The following MAST2 variants were observed in gnomAD, a reference collection of about 807,000 sequenced individuals.
MAST2 encodes microtubule-associated serine/threonine-protein kinase 2.
A neutral mutation model predicts 147.4 loss-of-function variants in MAST2; 70 were observed. The ratio of observed to expected loss-of-function variants is 0.47; its 90% CI spans 0.39 to 0.58. The LOEUF is 0.58. Among genes scored for constraint, MAST2 ranks in the 20% least tolerant of loss-of-function variants. The pLI, the probability that MAST2 is intolerant of heterozygous loss-of-function variation, is 0.00. For missense variants in MAST2, 2,080 were observed against 2,302.3 expected (o/e 0.90, Z 1.98); for synonymous variants, 869 against 896.8 (o/e 0.97, Z 0.55).
In MAST2 at chr1:45,959,421, C is replaced by A. The variant is rs1660087959; in HGVS notation, c.536C>A (p.Thr179Asn). Residue 179 changes from threonine to asparagine, a missense_variant, in exon 5 of 29, where the codon ACC becomes AAC. By Grantham distance (65) the Thr-to-Asn change is moderately conservative. Coordinates refer to ENST00000361297, the MANE Select transcript of MAST2 (RefSeq NM_015112.3). ...AGTAACCGCAAGAGCTTGATTGTGA[C>A]CTCTAGCACATCACCTACACTACCA... ...RTSNRKSLIVTSSTSPTLPRP... is the reference protein window; with the variant it reads ...RTSNRKSLIVNSSTSPTLPRP... 13 of 1,613,758 alleles carry A rather than the reference C, an allele frequency of 8.1e-6. No homozygotes were observed. The highest frequency in any genetic ancestry group is 1.1e-5 in the Non-Finnish European group (13 of 1,179,802).
In MAST2 at chr1:46,023,589, G is replaced by A. The variant is rs1646279527; in HGVS notation, c.1572-183G>A. Reference sequence around the variant, plus strand: ...CATTGAGCCGTGTCATCAGGACATGGTCTATCAAGAAGTTTAAGAGTTCTA... The same window carrying A: ...CATTGAGCCGTGTCATCAGGACATGATCTATCAAGAAGTTTAAGAGTTCTA... On this transcript the variant is annotated intron_variant, in intron 14 of 28. Transcript: ENST00000361297. This position sits in a 1 kb window ranked among gnomAD's most constrained non-coding sequence, Gnocchi z 4.9. 1 of 636,742 alleles carries A rather than the reference G, an allele frequency of 1.6e-6. No individual in the cohort carries two copies. The highest frequency in any genetic ancestry group is 2.7e-6 in the Non-Finnish European group (1 of 364,200). The allele number at this position is 636,742 out of a possible 1,614,324, so 39.4% of individuals were successfully genotyped here. A position where few individuals can be genotyped will look rare whatever the true frequency, so the allele number is the denominator to read the frequency against.
chr1:45,828,613 C>A (rs972121890), intron 2 of MAST2, among the ~76,000 whole-genome samples: 5 of 151,974 alleles, frequency 3.3e-5, no homozygotes, highest in Non-Finnish European at 5.9e-5. Context: ...AGAAATGAGA[C>A]CTTCACCTCA....
At chr1:45,897,784 G>A (rs1361770352) in intron 4 of MAST2, among the ~76,000 whole-genome samples, 1 of 151,214 alleles carries the variant, frequency 6.6e-6, no homozygotes, top group Non-Finnish European at 1.5e-5. Flanking sequence ...ACTCCAGCCT[G>A]GGCAACAGAG....
chr1:46,007,343 T>C (rs538694535), intron 8 of MAST2, among the ~76,000 whole-genome samples: 9 of 152,108 alleles, frequency 5.9e-5, no homozygotes, highest in African/African-American at 1.7e-4. Context: ...GGTGTAGAGA[T>C]TGATGAAGAT....
chr1:45,948,509 C>A (rs1013156990), intron 4 of MAST2, among the ~76,000 whole-genome samples: 1 of 151,856 alleles, frequency 6.6e-6, no homozygotes, highest in Non-Finnish European at 1.5e-5. Context: ...AGTTCAAGAC[C>A]AGCCTGGCTA....
At chr1:46,009,169 C>G (rs1645612037) in intron 9 of MAST2, among the ~76,000 whole-genome samples, 1 of 152,216 alleles carries the variant, frequency 6.6e-6, no homozygotes, top group South Asian at 2.1e-4. Flanking sequence ...ATTCTCCTGC[C>G]TCAGCCTCCC....
chr1:45,981,547 C>T (rs137973467), intron 5 of MAST2, among the ~76,000 whole-genome samples: 108 of 152,256 alleles, frequency 7.1e-4, no homozygotes, highest in Middle Eastern at 3.4e-3. Context: ...GCCAATTTGT[C>T]AGTTTTACCG....
intron 4 of MAST2, among the ~76,000 whole-genome samples, chr1:45,948,161 A>G (rs141141784): frequency 6.6e-6 from 1 of 152,338 alleles, no homozygotes; most frequent in East Asian, 1.9e-4. Flanking sequence ...TACAATTGCC[A>G]CAAAAAGAAT....
At position 46,023,742 on chromosome 1, in the gene MAST2, A is replaced by G. The variant is rs777120846; in HGVS notation, c.1572-30A>G. On this transcript the variant is annotated intron_variant, in intron 14 of 28. Coordinates refer to ENST00000361297, the MANE Select transcript of MAST2 (RefSeq NM_015112.3). The surrounding 1 kb of genome is among the most constrained non-coding windows in gnomAD (Gnocchi z 4.9). ...AGCACAGCTCAGGTGCTGAGGGTCCATGGGGGATGGGCCGGACTTTGTTTC... is the reference window on the plus strand; with the variant it reads ...AGCACAGCTCAGGTGCTGAGGGTCCGTGGGGGATGGGCCGGACTTTGTTTC... 6.2e-7 allele frequency: 1 copy of G among 1,606,966 alleles called. No individual in the cohort carries two copies. Among genetic ancestry groups the G allele is most frequent in the Non-Finnish European group, 8.5e-7 (1 of 1,175,444 alleles).
chr1:45,890,103 T>C (rs1203760597), intron 4 of MAST2, among the ~76,000 whole-genome samples: 1 of 152,184 alleles, frequency 6.6e-6, no homozygotes, highest in African/African-American at 2.4e-5. Flanking sequence ...AGTCCCAGCT[T>C]ACACCTCACT....
At position 46,023,128 on chromosome 1, in the gene MAST2, A is replaced by G; in HGVS notation, c.1486-105A>G. On this transcript the variant is annotated intron_variant, in intron 13 of 28. Coordinates refer to ENST00000361297, the MANE Select transcript of MAST2 (RefSeq NM_015112.3). This position sits in a 1 kb window ranked among gnomAD's most constrained non-coding sequence, Gnocchi z 4.9. Reference sequence around the variant, plus strand: ...CTACTCCCAGAAGAATGAGCAGGAGACTGCACTAGAGCTGACAGCTGAGAA... The same window carrying G: ...CTACTCCCAGAAGAATGAGCAGGAGGCTGCACTAGAGCTGACAGCTGAGAA... The G allele has an allele frequency of 8.1e-7, 1 of 1,228,908 alleles. No individual in the cohort carries two copies. The highest frequency in any genetic ancestry group is 1.2e-6 in the Non-Finnish European group (1 of 832,408). The allele number at this position is 1,228,908 out of a possible 1,614,324, so 76.1% of individuals were successfully genotyped here.
intron 10 of MAST2, among the ~76,000 whole-genome samples, chr1:46,016,348 A>G (rs1466396899): frequency 1.3e-5 from 2 of 151,958 alleles, no homozygotes; most frequent in African/African-American, 2.4e-5. Context: ...AGGCAGGAGA[A>G]GGAAATAAAG....
chr1:46,025,941 C>T, intron 16 of MAST2, 126 bp downstream of exon 16: 1 of 1,227,986 alleles, frequency 8.1e-7, no homozygotes, highest in Non-Finnish European at 1.2e-6. Context: ...CTGTGTGTGT[C>T]CATCTGGGCC....
chr1:45,965,984 T>G (rs1230252195), intron 5 of MAST2, among the ~76,000 whole-genome samples: 2 of 152,190 alleles, frequency 1.3e-5, no homozygotes, highest in Admixed American at 6.5e-5. Flanking sequence ...TATCATACAG[T>G]CTTTTCACTG....
At chr1:45,879,490 T>A (rs973649720) in intron 3 of MAST2, among the ~76,000 whole-genome samples, 1 of 148,336 alleles carries the variant, frequency 6.7e-6, no homozygotes, top group African/African-American at 2.5e-5. Context: ...GGAAAATCAC[T>A]TGAACCCAGG....
intron 5 of MAST2, among the ~76,000 whole-genome samples, chr1:45,960,510 G>GA (rs1360190548): frequency 6.6e-6 from 1 of 151,816 alleles, no homozygotes; most frequent in Non-Finnish European, 1.5e-5. Flanking sequence ...ATCTCAAAAA[G>GA]AAAAAAAGAA....
At chr1:45,942,666 A>G (rs1456087564) in intron 4 of MAST2, among the ~76,000 whole-genome samples, 1 of 152,184 alleles carries the variant, frequency 6.6e-6, no homozygotes, top group Admixed American at 6.5e-5. Context: ...GGGGCAGTAA[A>G]TTGTGTGAAG....
Position 46,031,934 on chromosome 1 carries a change from A to C in MAST2, c.3188-244A>C, listed in dbSNP as rs1310844997. ...GCCAGCTGATAGGTTGTGACATTTAAATATATATGACAAGCTTATATAGTC... is the reference window on the plus strand; with the variant it reads ...GCCAGCTGATAGGTTGTGACATTTACATATATATGACAAGCTTATATAGTC... On this transcript the variant is annotated intron_variant, in intron 24 of 28. Coordinates refer to ENST00000361297, the MANE Select transcript of MAST2 (RefSeq NM_015112.3). The surrounding 1 kb of genome is among the most constrained non-coding windows in gnomAD (Gnocchi z 4.1). Among the ~76,000 whole-genome samples, 3 of 152,202 alleles carry C rather than the reference A, an allele frequency of 2.0e-5. No homozygotes were observed. The highest frequency in any genetic ancestry group is 4.4e-5 in the Non-Finnish European group (3 of 68,040).
intron 3 of MAST2, among the ~76,000 whole-genome samples, chr1:45,880,321 C>T (rs543832044): frequency 1.9e-4 from 29 of 152,064 alleles, no homozygotes; most frequent in Non-Finnish European, 3.8e-4. Context: ...TTGTATGGTT[C>T]CATTCATATG....
Sources: allele counts gnomAD v4.1 joint callset (sites outside exome capture counted in the v4.1 genomes callset), GRCh38; gene constraint gnomAD v4.1.1; non-coding constraint Gnocchi (gnomAD v3.1); transcripts MANE v1.5; gene names NCBI Gene and HGNC (gene_info 2026-07-23, HGNC 2026-07-21).